MTCH2: variants seen among roughly 807,000 people sequenced by gnomAD.
The protein encoded by MTCH2 is mitochondrial carrier 2, also known as mitochondrial carrier homolog 2.
A neutral mutation model predicts 50.6 loss-of-function variants in MTCH2; 25 were observed. The observed-to-expected ratio is 0.49, with a 90% CI of 0.36 to 0.69. The LOEUF (loss-of-function observed/expected upper bound fraction) is 0.69, where lower values mean the gene tolerates loss of function less well. MTCH2 is among the 30% of genes least tolerant of loss of function. The pLI is 0.00. For synonymous variants in MTCH2, 106 were observed against 132.0 expected (o/e 0.80, Z 1.35); for missense variants, 273 against 384.4 (o/e 0.71, Z 2.42).
chr11:47,609,142 A>AG, the MTCH2 span, among the ~76,000 whole-genome samples: 504 of 146,988 alleles, frequency 3.4e-3, 5 homozygotes, highest in African/African-American at 0.012. Flanking sequence ...AAAAAAAAAA[A>AG]AAAAGAAAAA....
At chr11:47,642,199 C>T (rs1322272147) in intron 1 of MTCH2, among the ~76,000 whole-genome samples, 180 bp downstream of exon 1, 1 of 152,064 alleles carries the variant, frequency 6.6e-6, no homozygotes, top group Non-Finnish European at 1.5e-5. Context: ...CTCGGCGAGG[C>T]CCCCAAGCGG....
At chr11:47,607,915 C>T in the MTCH2 span, among the ~76,000 whole-genome samples, 4 of 152,312 alleles carry the variant, frequency 2.6e-5, no homozygotes, top group Non-Finnish European at 4.4e-5. Flanking sequence ...AATAAAACCA[C>T]GAGTTCCCTC....
downstream of MTCH2, among the ~76,000 whole-genome samples, chr11:47,614,182 A>C (rs969890503): frequency 4.6e-5 from 7 of 152,108 alleles, no homozygotes; most frequent in African/African-American, 1.7e-4. Flanking sequence ...GACTGGCTTC[A>C]TGTCCTGGAA....
chr11:47,633,527 T>TATATATA (rs59398950), intron 5 of MTCH2, among the ~76,000 whole-genome samples: 20 of 19,114 alleles, frequency 1.0e-3, no homozygotes, highest in East Asian at 1.9e-3. Context: ...TATATATATA[T>TATATATA]TTTTTTTTTT....
At chr11:47,621,193 G>A (rs1405348855) in intron 12 of MTCH2, among the ~76,000 whole-genome samples, 1 of 152,132 alleles carries the variant, frequency 6.6e-6, no homozygotes, top group Non-Finnish European at 1.5e-5. Flanking sequence ...GGGGCTTTGT[G>A]GGCACACTAA....
chr11:47,636,005 T>G (rs1379283239), intron 3 of MTCH2, among the ~76,000 whole-genome samples: 1 of 151,698 alleles, frequency 6.6e-6, no homozygotes, highest in Non-Finnish European at 1.5e-5. Flanking sequence ...GCGCACGCTT[T>G]TAATCCCAGC....
Position 47,642,346 on chromosome 11 carries a change from CCGGGCGGGGTAGGGAGCGG to C in MTCH2, c.87+14_87+32del. The C allele has an allele frequency of 1.4e-6, 2 of 1,427,360 alleles. No individual in the cohort carries two copies. Among genetic ancestry groups the C allele is most frequent in the Non-Finnish European group, 1.8e-6 (2 of 1,090,012 alleles). 88.4% of individuals were successfully genotyped at this position (1,427,360 alleles called of 1,614,324 possible). On this transcript the variant is annotated intron_variant, in intron 1 of 12. Coordinates refer to ENST00000302503, the MANE Select transcript of MTCH2 (RefSeq NM_014342.4). ...TGAGCAGCAGCGACCGAACGGGGCGCCGGGCGGGGTAGGGAGCGGCGACGCCTCATACCTGGATGAGCAC... is the reference window on the plus strand; with the variant it reads ...TGAGCAGCAGCGACCGAACGGGGCGCCGACGCCTCATACCTGGATGAGCAC...
chr11:47,618,638 C>A lies in MTCH2; in HGVS notation c.*195G>T. On this transcript the variant is annotated 3_prime_UTR_variant, in exon 13 of 13. Coordinates refer to ENST00000302503, the MANE Select transcript of MTCH2 (RefSeq NM_014342.4). ...GCAAAAATATCCTAATTCAGAATAA[C>A]TAAAGGGGGAGTATCAGTGGTAAGT... The A allele has an allele frequency of 1.7e-6, 1 of 580,828 alleles. No individual in the cohort carries two copies. Among genetic ancestry groups the A allele is most frequent in the Non-Finnish European group, 3.0e-6 (1 of 331,854 alleles). 36.0% of individuals were successfully genotyped at this position (580,828 alleles called of 1,614,324 possible). A position where few individuals can be genotyped will look rare whatever the true frequency, so the allele number is the denominator to read the frequency against.
intron 8 of MTCH2, 40 bp downstream of exon 8, chr11:47,630,515 C>T: frequency 6.6e-7 from 1 of 1,526,598 alleles, no homozygotes; most frequent in Non-Finnish European, 9.1e-7. Context: ...AAACGTTTCC[C>T]ACTCATGCAA....
chr11:47,607,792 C>G, the MTCH2 span, among the ~76,000 whole-genome samples: 1 of 152,188 alleles, frequency 6.6e-6, no homozygotes, highest in African/African-American at 2.4e-5. Flanking sequence ...GTTTGAACCC[C>G]CAGATTCACC....
the MTCH2 span, among the ~76,000 whole-genome samples, chr11:47,608,345 G>C: frequency 6.6e-6 from 1 of 150,758 alleles, no homozygotes; most frequent in East Asian, 2.0e-4. Flanking sequence ...GCTTATGGTG[G>C]CTTTGACCAA....
At chr11:47,634,070 T>C (rs1186639520) in intron 5 of MTCH2, among the ~76,000 whole-genome samples, 4 of 152,074 alleles carry the variant, frequency 2.6e-5, no homozygotes, top group African/African-American at 4.8e-5. Context: ...AAGGGCCTGG[T>C]CGCTATTTTA....
intron 12 of MTCH2, among the ~76,000 whole-genome samples, chr11:47,621,674 A>G (rs946807524): frequency 2.6e-5 from 4 of 152,036 alleles, no homozygotes; most frequent in Non-Finnish European, 4.4e-5. Context: ...ACCTCAAGTG[A>G]TCTGCCCGCC....
chr11:47,619,793 T>C (rs2097291536), intron 12 of MTCH2, among the ~76,000 whole-genome samples: 3 of 151,808 alleles, frequency 2.0e-5, no homozygotes, highest in Admixed American at 6.6e-5. Flanking sequence ...ATACAAAAAA[T>C]TGGGCAGACA....
intron 2 of MTCH2, 29 bp from the exon 3 acceptor site, chr11:47,638,834 A>C (rs765806426): frequency 6.5e-7 from 1 of 1,543,214 alleles, no homozygotes; most frequent in South Asian, 1.1e-5. Context: ...GATGTTGTCA[A>C]GTTCTGGTCA....
At chr11:47,623,545 C>T (rs570759098) in intron 11 of MTCH2, among the ~76,000 whole-genome samples, 1 of 152,164 alleles carries the variant, frequency 6.6e-6, no homozygotes, top group East Asian at 1.9e-4. Context: ...ACATTTAATT[C>T]ATCCTTCAAG....
the MTCH2 span, among the ~76,000 whole-genome samples, chr11:47,608,554 G>GACA: frequency 6.6e-6 from 1 of 152,304 alleles, no homozygotes; most frequent in Middle Eastern, 3.4e-3. Context: ...TTCCGTGGAA[G>GACA]ACAACAGACA....
chr11:47,629,121 T>G (rs1198866889), intron 8 of MTCH2, 75 bp from the exon 9 acceptor site: 1 of 1,268,700 alleles, frequency 7.9e-7, no homozygotes, highest in Non-Finnish European at 1.1e-6. Context: ...GTACAAATGT[T>G]TGTCAAATAA....
intron 12 of MTCH2, among the ~76,000 whole-genome samples, chr11:47,621,953 T>C (rs532448566): frequency 2.4e-4 from 37 of 152,290 alleles, no homozygotes; most frequent in African/African-American, 7.7e-4. Context: ...CACTGCAGCC[T>C]TGACCTCCTG....
Sources: gnomAD v4.1 joint callset for allele counts (sites outside exome capture counted in the v4.1 genomes callset) on GRCh38, gnomAD v4.1.1 for gene constraint, MANE v1.5 for transcripts, NCBI Gene and HGNC (gene_info 2026-07-23, HGNC 2026-07-21) for gene names.